Variants in GALNT13 observed in about 807,000 individuals in gnomAD.
GALNT13 encodes UDP-GalNAc:polypeptide N-acetylgalactosaminyltransferase 13.
In GALNT13, 28 loss-of-function variants were observed where a neutral mutation model predicts 64.2. The ratio of observed to expected loss-of-function variants is 0.44; its 90% confidence interval spans 0.32 to 0.60. The LOEUF (loss-of-function observed/expected upper bound fraction) is 0.60. Ranked by LOEUF, GALNT13 falls within the 20% of genes least tolerant of loss-of-function variation. The pLI, the probability that GALNT13 is intolerant of heterozygous loss-of-function variation, is 0.05. For missense variants in GALNT13, 577 were observed against 669.8 expected, an observed-to-expected ratio of 0.86 and a Z score of 1.53; for synonymous variants, 214 against 224.6, an observed-to-expected ratio of 0.95 and a Z score of 0.42.
chr2:153,621,376 A>G, the GALNT13 span, among the ~76,000 whole-genome samples: 3 of 152,236 alleles, frequency 2.0e-5, no homozygotes, highest in South Asian at 4.1e-4. Flanking sequence ...CACCATCCCA[A>G]TGACTGTATT....
chr2:154,114,499 C>G (rs1048199882), intron 3 of GALNT13, among the ~76,000 whole-genome samples: 4 of 152,060 alleles, frequency 2.6e-5, no homozygotes, highest in African/African-American at 7.2e-5. Context: ...CCCTGAAATG[C>G]CTATCATTTC....
At chr2:153,714,903 C>A in the GALNT13 span, among the ~76,000 whole-genome samples, 179 of 152,256 alleles carry the variant, frequency 1.2e-3, no homozygotes, top group Middle Eastern at 6.8e-3. Context: ...CTGAAATACC[C>A]GTGTTAGGGA....
At chr2:153,355,025 T>A in the GALNT13 span, among the ~76,000 whole-genome samples, 1 of 152,198 alleles carries the variant, frequency 6.6e-6, no homozygotes, top group Non-Finnish European at 1.5e-5. Flanking sequence ...ATTCCCAATC[T>A]AGGGCATCAA....
At chr2:153,941,264 G>A (rs1388640549) in intron 2 of GALNT13, among the ~76,000 whole-genome samples, 4 of 152,156 alleles carry the variant, frequency 2.6e-5, no homozygotes, top group Admixed American at 6.6e-5. Context: ...CCAGAGTTCT[G>A]GGATTACAGG....
At chr2:154,195,194 T>C (rs1490136378) in intron 4 of GALNT13, among the ~76,000 whole-genome samples, 2 of 152,148 alleles carry the variant, frequency 1.3e-5, no homozygotes, top group African/African-American at 2.4e-5. Context: ...AAGATGACTA[T>C]TTTGGGTAAA....
In GALNT13 at chr2:154,408,691, T is replaced by C. The variant is rs1389927132; in HGVS notation, c.1297-293T>C. Among the ~76,000 whole-genome samples the C allele has an allele frequency of 3.3e-5, 5 of 152,048 alleles. No homozygotes were observed. In the East Asian group the frequency reaches 9.6e-4, roughly 29 times the overall value. On this transcript the variant is annotated intron_variant, in intron 10 of 12. Coordinates refer to ENST00000392825, the MANE Select transcript of GALNT13 (RefSeq NM_052917.4). ...TTGGGGAAGAATTCCTAATTCATAA[T>C]ATGCAGCTGCTTCCTTCTTCTATGA... is the stretch of plus-strand genomic sequence containing the variant.
the GALNT13 span, among the ~76,000 whole-genome samples, chr2:153,485,464 A>G: frequency 2.6e-5 from 4 of 152,328 alleles, no homozygotes; most frequent in South Asian, 6.2e-4. Flanking sequence ...ATTTAACACA[A>G]TGGAATATCT....
chr2:153,915,959 C>CAACAA (rs2105325871), intron 2 of GALNT13, among the ~76,000 whole-genome samples: 1 of 152,192 alleles, frequency 6.6e-6, no homozygotes, highest in African/African-American at 2.4e-5. Context: ...GCTGCACACA[C>CAACAA]AACTGTTTTG....
intron 3 of GALNT13, among the ~76,000 whole-genome samples, chr2:154,094,213 C>G (rs1377528343): frequency 1.3e-5 from 2 of 151,928 alleles, no homozygotes; most frequent in African/African-American, 4.8e-5. Context: ...AACTAGGCCA[C>G]TAGGCAGTTT....
intron 3 of GALNT13, among the ~76,000 whole-genome samples, chr2:154,046,939 G>GT (rs35276772): frequency 4.0e-4 from 60 of 149,644 alleles, no homozygotes; most frequent in Non-Finnish European, 5.2e-4. Context: ...TAGTCTGTGG[G>GT]TTTTTTTTTT....
At chr2:153,349,062 A>G in the GALNT13 span, among the ~76,000 whole-genome samples, 6 of 152,214 alleles carry the variant, frequency 3.9e-5, no homozygotes, top group Non-Finnish European at 2.9e-5. Context: ...TGATAAGTAC[A>G]TTTCAAGCTC....
At chr2:153,319,985 G>A in the GALNT13 span, among the ~76,000 whole-genome samples, 2 of 152,120 alleles carry the variant, frequency 1.3e-5, no homozygotes, top group African/African-American at 4.8e-5. Flanking sequence ...GTGATTGAAC[G>A]AGTAGTCTAG....
the GALNT13 span, among the ~76,000 whole-genome samples, chr2:153,563,542 G>T: frequency 6.6e-6 from 1 of 151,952 alleles, no homozygotes; most frequent in Admixed American, 6.6e-5. Flanking sequence ...GTGTGGAGCG[G>T]GTCCGGGTAG....
chr2:153,474,573 C>A, the GALNT13 span, among the ~76,000 whole-genome samples: 243 of 152,250 alleles, frequency 1.6e-3, 4 homozygotes, highest in Non-Finnish European at 5.9e-4. Flanking sequence ...TGGGGAGATT[C>A]GTATCAACAA....
intron 9 of GALNT13, among the ~76,000 whole-genome samples, chr2:154,302,581 A>G (rs1480687087): frequency 2.0e-5 from 3 of 152,210 alleles, no homozygotes; most frequent in African/African-American, 7.2e-5. Flanking sequence ...TCTGAACCAA[A>G]TTTGAGTGAA....
the GALNT13 span, among the ~76,000 whole-genome samples, chr2:153,786,726 T>A: frequency 6.6e-6 from 1 of 151,790 alleles, no homozygotes; most frequent in Non-Finnish European, 1.5e-5. Context: ...CCAAATTCCT[T>A]GGAGGTGGAA....
the GALNT13 span, among the ~76,000 whole-genome samples, chr2:153,748,602 C>T: frequency 1.3e-5 from 2 of 152,002 alleles, no homozygotes; most frequent in African/African-American, 4.8e-5. Flanking sequence ...AAATGTTTTG[C>T]CAATTTTGTA....
chr2:154,138,864 T>G (rs1295264145), intron 3 of GALNT13, among the ~76,000 whole-genome samples: 2 of 152,108 alleles, frequency 1.3e-5, no homozygotes, highest in African/African-American at 2.4e-5. Context: ...TATTGGAATT[T>G]TATTTCTTAA....
At chr2:154,424,947 A>T (rs1182936754) in intron 11 of GALNT13, among the ~76,000 whole-genome samples, 1 of 152,210 alleles carries the variant, frequency 6.6e-6, no homozygotes, top group Non-Finnish European at 1.5e-5. Flanking sequence ...TTAAACTTGA[A>T]GCCATCTAGA....
Sources: allele counts gnomAD v4.1 joint callset (sites outside exome capture counted in the v4.1 genomes callset), GRCh38; gene constraint gnomAD v4.1.1; transcripts MANE v1.5; gene names NCBI Gene and HGNC (gene_info 2026-07-23, HGNC 2026-07-21).